The following SNX29 variants were observed in gnomAD, a reference collection of about 807,000 sequenced individuals.
SNX29 encodes the protein sorting nexin 29, also known as sorting nexin-29.
In SNX29, 78 loss-of-function variants were observed where a neutral mutation model predicts 102.1. The ratio of observed to expected loss-of-function variants is 0.76; its 90% CI spans 0.64 to 0.92. SNX29 has a LOEUF of 0.92. SNX29 is among the 40% of genes least tolerant of loss of function. The pLI, the probability that SNX29 is intolerant of heterozygous loss-of-function variation, is 0.00. For synonymous variants in SNX29, 580 were observed against 414.5 expected, an observed-to-expected ratio of 1.40 and a Z score of -4.85; for missense variants, 1,280 against 1,061.7, an observed-to-expected ratio of 1.21 and a Z score of -2.86.
At chr16:12,560,374 C>T (rs573799719) in intron 20 of SNX29, among the ~76,000 whole-genome samples, 4 of 152,212 alleles carry the variant, frequency 2.6e-5, no homozygotes, top group South Asian at 4.2e-4. Context: ...AGGTTGTGCG[C>T]TCAGTATTTT....
intron 15 of SNX29, among the ~76,000 whole-genome samples, chr16:12,341,020 G>A (rs1233905049): frequency 6.6e-6 from 1 of 152,282 alleles, no homozygotes; most frequent in East Asian, 1.9e-4. Context: ...TGGGCATAAT[G>A]CCTTGAAGAG....
chr16:12,272,723 C>G (rs1165631363), intron 14 of SNX29, among the ~76,000 whole-genome samples: 1 of 152,206 alleles, frequency 6.6e-6, no homozygotes, highest in Non-Finnish European at 1.5e-5. Context: ...AGACAGGAGG[C>G]CTCTGGCTGT....
At chr16:12,000,857 T>C (rs1296086077) in intron 2 of SNX29, among the ~76,000 whole-genome samples, 1 of 152,176 alleles carries the variant, frequency 6.6e-6, no homozygotes, top group East Asian at 1.9e-4. Flanking sequence ...TCGTGCACCC[T>C]CCCTGAGCAG....
intron 20 of SNX29, among the ~76,000 whole-genome samples, chr16:12,562,455 C>T (rs920072173): frequency 6.6e-6 from 1 of 152,162 alleles, no homozygotes; most frequent in African/African-American, 2.4e-5. Flanking sequence ...TGACTTTGAT[C>T]CCCCTTCATA....
intron 14 of SNX29, among the ~76,000 whole-genome samples, chr16:12,230,491 T>C (rs2077735927): frequency 6.6e-6 from 1 of 152,230 alleles, no homozygotes; most frequent in South Asian, 2.1e-4. Flanking sequence ...TTGTGGAAAC[T>C]GGACCATTCT....
intron 19 of SNX29, among the ~76,000 whole-genome samples, chr16:12,506,468 A>C (rs997969911): frequency 2.0e-5 from 3 of 152,246 alleles, no homozygotes; most frequent in African/African-American, 7.2e-5. Context: ...TATGCTGGAC[A>C]GGCAAGAGTT....
intron 2 of SNX29, among the ~76,000 whole-genome samples, chr16:12,000,990 C>T (rs150635673): frequency 6.6e-6 from 1 of 152,192 alleles, no homozygotes; most frequent in East Asian, 1.9e-4. Flanking sequence ...ACATCTGGAG[C>T]CCATGTTATT....
chr16:12,558,669 G>A (rs12927506), intron 20 of SNX29, among the ~76,000 whole-genome samples: 1 of 152,064 alleles, frequency 6.6e-6, no homozygotes, highest in African/African-American at 2.4e-5. Flanking sequence ...AATCCTGCTG[G>A]TCCTTGTGGC....
chr16:12,058,824 T>TC (rs2050641183), intron 8 of SNX29, among the ~76,000 whole-genome samples: 1 of 113,828 alleles, frequency 8.8e-6, no homozygotes, highest in East Asian at 2.4e-4. Flanking sequence ...TTTTTTTTTT[T>TC]CTCTGTGGCC....
intron 11 of SNX29, among the ~76,000 whole-genome samples, chr16:12,085,122 C>G (rs2052099398): frequency 6.6e-6 from 1 of 151,994 alleles, no homozygotes; most frequent in African/African-American, 2.4e-5. Context: ...GTCTTCTGTC[C>G]CCTCTGGGCC....
At chr16:12,348,449 G>A (rs1218300192) in intron 15 of SNX29, among the ~76,000 whole-genome samples, 1 of 152,206 alleles carries the variant, frequency 6.6e-6, no homozygotes, top group Non-Finnish European at 1.5e-5. Flanking sequence ...AGGGGGATGT[G>A]GGAGCAGCCA....
chr16:12,481,513 G>GAT (rs1387104704), intron 19 of SNX29, among the ~76,000 whole-genome samples: 11 of 125,666 alleles, frequency 8.8e-5, no homozygotes, highest in African/African-American at 3.3e-4. Flanking sequence ...TATACATATA[G>GAT]ACACACACAC....
At chr16:12,541,133 G>A (rs1015593819) in intron 20 of SNX29, among the ~76,000 whole-genome samples, 3 of 152,200 alleles carry the variant, frequency 2.0e-5, no homozygotes, top group Admixed American at 6.5e-5. Context: ...GACACAGGGG[G>A]AGGTGACCTT....
chr16:12,551,387 T>G (rs1215773867), intron 20 of SNX29, among the ~76,000 whole-genome samples: 1 of 152,132 alleles, frequency 6.6e-6, no homozygotes, highest in Non-Finnish European at 1.5e-5. Flanking sequence ...TCCCCAACAG[T>G]AGGATTGCTT....
At chr16:12,149,848 G>A (rs72784675) in intron 13 of SNX29, among the ~76,000 whole-genome samples, 1 of 152,284 alleles carries the variant, frequency 6.6e-6, no homozygotes, top group Non-Finnish European at 1.5e-5. Flanking sequence ...TAGGTGCTCA[G>A]GACTCAAGGA....
chr16:12,044,963 T>A (rs1463268035), intron 5 of SNX29, among the ~76,000 whole-genome samples: 1 of 152,194 alleles, frequency 6.6e-6, no homozygotes, highest in Non-Finnish European at 1.5e-5. Flanking sequence ...ATACTCAGTC[T>A]CAAAGTTGAA....
Position 12,370,772 on chromosome 16 carries a change from C to G in SNX29, c.1899+14493C>G, listed in dbSNP as rs186691283. 2.6e-5 allele frequency among the ~76,000 whole-genome samples: 4 copies of G among 152,296 alleles called. No homozygotes were observed. The East Asian group carries it at 7.7e-4, about 29-fold the overall frequency. ...TCATGGAGTTTGGTTCCCTGGCCAG[C>G]TGGTCTGTGGGAACCAGAGCAGTTT... On this transcript the variant is annotated intron_variant, in intron 16 of 20. Transcript: ENST00000566228.
Position 12,568,611 on chromosome 16 carries a change from C to G in SNX29, c.2424C>G (p.Pro808=). 6.2e-7 allele frequency: 1 copy of G among 1,604,436 alleles called. No individual in the cohort carries two copies. Among genetic ancestry groups the G allele is most frequent in the Non-Finnish European group, 8.5e-7 (1 of 1,179,822 alleles). ...CCCGGGAGACCCGCAACGTGGAGCC[C>G]CAGAGCGGTGACCTCTGACCTCGAC... is the stretch of plus-strand genomic sequence containing the variant. The part of the protein sequence containing the change: ...GQPRETRNVE[P]QSGDL The change falls in exon 21 of 21, where the codon CCC becomes CCG. Residue 808 remains proline, a synonymous_variant. Coordinates refer to ENST00000566228, the MANE Select transcript of SNX29 (RefSeq NM_032167.5).
chr16:12,366,089 G>T (rs1278279717), intron 16 of SNX29, among the ~76,000 whole-genome samples: 2 of 150,702 alleles, frequency 1.3e-5, no homozygotes, highest in African/African-American at 2.4e-5. Context: ...ATGATTGAGT[G>T]GGGGGTTTGC....
Sources: gnomAD v4.1 joint callset for allele counts (sites outside exome capture counted in the v4.1 genomes callset) on GRCh38, gnomAD v4.1.1 for gene constraint, MANE v1.5 for transcripts, NCBI Gene and HGNC (gene_info 2026-07-23, HGNC 2026-07-21) for gene names.